The following ANO1 variants were observed in gnomAD, a reference collection of about 807,000 sequenced individuals.
ANO1 encodes anoctamin 1.
A neutral mutation model predicts 124.0 loss-of-function variants in ANO1; 59 were observed. That is an observed-to-expected ratio of 0.48 (90% CI 0.39 to 0.59). The LOEUF (loss-of-function observed/expected upper bound fraction) is 0.59, where lower values mean the gene tolerates loss of function less well. Among genes scored for constraint, ANO1 ranks in the 20% least tolerant of loss-of-function variants. The probability of loss-of-function intolerance (pLI) is 0.00; values close to 1 mark genes in which losing one functional copy is unlikely to be tolerated. For synonymous variants in ANO1, 529 were observed against 532.0 expected (o/e 0.99, Z 0.08); for missense variants, 1,059 against 1,328.0 (o/e 0.80, Z 3.15).
intron 22 of ANO1, among the ~76,000 whole-genome samples, chr11:70,178,674 G>A (rs550317729): frequency 9.2e-5 from 14 of 151,554 alleles, no homozygotes; most frequent in African/African-American, 2.4e-4. Context: ...ATCTATTCTC[G>A]TGCCTCAGCC....
At chr11:70,140,625 C>T (rs922870909) in intron 11 of ANO1, among the ~76,000 whole-genome samples, 2 of 152,024 alleles carry the variant, frequency 1.3e-5, no homozygotes, top group Non-Finnish European at 2.9e-5. Context: ...AAGAGGAGGA[C>T]CGTGCCTACC....
At chr11:70,034,735 A>G (rs914668313) in intron 1 of ANO1, among the ~76,000 whole-genome samples, 1 of 152,152 alleles carries the variant, frequency 6.6e-6, no homozygotes, top group Non-Finnish European at 1.5e-5. Flanking sequence ...CACTCTTCCC[A>G]AACCCCCCAC....
At chr11:70,086,034 C>A (rs984060451) in intron 1 of ANO1, among the ~76,000 whole-genome samples, 2 of 152,346 alleles carry the variant, frequency 1.3e-5, no homozygotes, top group African/African-American at 4.8e-5. Context: ...CTGCCTGGCG[C>A]AGCATGCCGT....
At chr11:70,104,905 G>A (rs950471530) in intron 4 of ANO1, among the ~76,000 whole-genome samples, 1 of 152,140 alleles carries the variant, frequency 6.6e-6, no homozygotes, top group Non-Finnish European at 1.5e-5. Flanking sequence ...GCTTATAAAT[G>A]TAGTAGGGGT....
the ANO1 span, among the ~76,000 whole-genome samples, chr11:69,972,412 G>C: frequency 6.6e-6 from 1 of 152,004 alleles, no homozygotes; most frequent in Admixed American, 6.6e-5. Context: ...CAAGCAGCCG[G>C]CATCAACTCA....
chr11:70,070,999 A>G (rs1555009239), intron 1 of ANO1, among the ~76,000 whole-genome samples: 1 of 152,150 alleles, frequency 6.6e-6, no homozygotes. Flanking sequence ...GGCAAGGTAG[A>G]TGGCCCATGT....
chr11:70,006,625 C>A (rs1392666874), intron 1 of ANO1, among the ~76,000 whole-genome samples: 1 of 137,032 alleles, frequency 7.3e-6, no homozygotes, highest in African/African-American at 2.7e-5. Context: ...TTCTTTCTTT[C>A]TTCTTTCTTT....
intron 1 of ANO1, among the ~76,000 whole-genome samples, chr11:69,997,130 G>A (rs544928455): frequency 7.2e-5 from 11 of 152,188 alleles, no homozygotes; most frequent in African/African-American, 2.6e-4. Flanking sequence ...TGTTCTTTTG[G>A]GGGAAAGCAT....
Position 70,161,343 on chromosome 11 carries a change from C to G in ANO1, c.1761C>G (p.Ala587=). 1 of 1,613,950 alleles carries G rather than the reference C, an allele frequency of 6.2e-7. No individual in the cohort carries two copies. Among genetic ancestry groups the G allele is most frequent in the Non-Finnish European group, 8.5e-7 (1 of 1,179,882 alleles). The part of the protein sequence containing the change: ...ILLDEVYGCI[A]RWLTKIEVPK... ...TGGACGAGGTGTATGGCTGCATAGC[C>G]CGATGGCTCACCAAGATCGGTGAGT... Residue 587 remains alanine (A), a synonymous_variant, in exon 17 of 26, where the codon GCC becomes GCG. Transcript: ENST00000355303.
rs190029858 is a variant in ANO1, at chr11:70,151,143, G to A, written c.1342-1307G>A. 3.0e-4 allele frequency among the ~76,000 whole-genome samples: 45 copies of A among 152,356 alleles called. 1 individual carries two copies. Among genetic ancestry groups the A allele is most frequent in the Admixed American group, 6.5e-4 (10 of 15,304 alleles). ...TGTACCTCAGTGTCCTCACTTGATG[G>A]CATTTGTAGGGTCTCAATGGATCAA... On this transcript the variant is annotated intron_variant, in intron 12 of 25. Transcript: ENST00000355303.
chr11:70,146,116 G>A (rs1046487217), intron 11 of ANO1, among the ~76,000 whole-genome samples: 6 of 152,078 alleles, frequency 3.9e-5, no homozygotes, highest in Non-Finnish European at 5.9e-5. Context: ...TTTTCTTAAG[G>A]AAAGTTAAAT....
intron 1 of ANO1, among the ~76,000 whole-genome samples, chr11:70,080,839 G>T (rs946006502): frequency 2.6e-5 from 4 of 152,190 alleles, no homozygotes; most frequent in Non-Finnish European, 5.9e-5. Context: ...GGCCAGACAG[G>T]CTGGAGGCTG....
At chr11:70,052,277 G>A (rs563214155) in intron 1 of ANO1, among the ~76,000 whole-genome samples, 10 of 152,332 alleles carry the variant, frequency 6.6e-5, no homozygotes, top group African/African-American at 2.4e-4. Context: ...TTTGATCCAT[G>A]TATCCTTGAA....
At chr11:70,113,042 G>A (rs752851700) in intron 7 of ANO1, among the ~76,000 whole-genome samples, 76 of 152,122 alleles carry the variant, frequency 5.0e-4, no homozygotes, top group African/African-American at 1.8e-3. Context: ...TAGGTCCGGG[G>A]ATTGGGGTGG....
At chr11:69,973,888 G>A in the ANO1 span, among the ~76,000 whole-genome samples, 1 of 151,366 alleles carries the variant, frequency 6.6e-6, no homozygotes, top group Admixed American at 6.6e-5. Flanking sequence ...AAAAAAATTG[G>A]ATTCCTTCTG....
At chr11:70,138,506 CAAAAA>C (rs564343150) in intron 11 of ANO1, among the ~76,000 whole-genome samples, 1 of 125,980 alleles carries the variant, frequency 7.9e-6, no homozygotes, top group Admixed American at 8.3e-5. Context: ...AAGTCCGTCT[CAAAAA>C]AAAAAAAAAG....
At chr11:70,003,934 G>A (rs1202774362) in intron 1 of ANO1, among the ~76,000 whole-genome samples, 3 of 152,212 alleles carry the variant, frequency 2.0e-5, no homozygotes, top group African/African-American at 7.2e-5. Flanking sequence ...CAGCCTCCAC[G>A]TGCCAACCAT....
At chr11:70,085,330 C>CA in intron 1 of ANO1, 1 of 1,412,656 alleles carries the variant, frequency 7.1e-7, no homozygotes, top group Non-Finnish European at 9.3e-7. Context: ...CCCCTGAGCC[C>CA]TCCCAAGCCA....
intron 8 of ANO1, 25 bp downstream of exon 8, chr11:70,116,524 G>T: frequency 6.3e-7 from 1 of 1,580,354 alleles, no homozygotes; most frequent in Non-Finnish European, 8.6e-7. Context: ...CGGAGCAGGA[G>T]GTGGCTCTGT....
Sources: gnomAD v4.1 joint callset for allele counts (sites outside exome capture counted in the v4.1 genomes callset) on GRCh38, gnomAD v4.1.1 for gene constraint, MANE v1.5 for transcripts, NCBI Gene and HGNC (gene_info 2026-07-23, HGNC 2026-07-21) for gene names.